Variants in TAF1 observed in about 807,000 individuals in gnomAD.
TAF1 encodes the protein TATA-box binding protein associated factor 1, also known as transcription initiation factor TFIID subunit 1.
In TAF1, 2 loss-of-function variants were observed where a neutral mutation model predicts 138.5. That is an observed-to-expected ratio of 0.01 (90% confidence interval 0.01 to 0.05). TAF1 has a LOEUF of 0.05. Among genes scored for constraint, TAF1 ranks in the 10% least tolerant of loss-of-function variants. TAF1 has a pLI of 1.00. For missense variants in TAF1, 709 were observed against 1,478.0 expected (o/e 0.48, Z 8.53); for synonymous variants, 437 against 503.2 (o/e 0.87, Z 1.76).
chrX:71,386,390 C>A (rs1188948225), intron 14 of TAF1, among the ~76,000 whole-genome samples: 1 of 111,677 alleles, frequency 9.0e-6, no homozygotes, highest in African/African-American at 3.3e-5. Flanking sequence ...TGTCCTCTGT[C>A]CTACTGTCTT....
chrX:71,395,584 G>A (rs2034802839), intron 22 of TAF1, among the ~76,000 whole-genome samples: 1 of 111,534 alleles, frequency 9.0e-6, no homozygotes, highest in Admixed American at 9.5e-5. Context: ...TGTTAAAGAG[G>A]CAGTTGAAAA....
At chrX:71,527,353 T>G (rs1602123061) in intron 13 of TAF1, among the ~76,000 whole-genome samples, 1 of 92,754 alleles carries the variant, frequency 1.1e-5, no homozygotes, top group Admixed American at 1.4e-4. Context: ...GCCACTGCAC[T>G]CCAACCTGGG....
At chrX:71,435,552 T>C (rs1023954441) in intron 32 of TAF1, among the ~76,000 whole-genome samples, 3 of 112,003 alleles carry the variant, frequency 2.7e-5, no homozygotes, top group Non-Finnish European at 3.8e-5. Context: ...CCAGGGACAA[T>C]TGTAGGGCTC....
intron 24 of TAF1, 117 bp downstream of exon 24, chrX:71,398,854 G>T: frequency 2.0e-6 from 2 of 1,014,701 alleles, no homozygotes; most frequent in Non-Finnish European, 2.6e-6. Context: ...GTGGAAAGCT[G>T]GTTTGAATTG....
intron 9 of TAF1, 63 bp downstream of exon 9, chrX:71,381,982 G>A: frequency 9.2e-7 from 1 of 1,083,740 alleles, no homozygotes; most frequent in East Asian, 3.2e-5. Flanking sequence ...ATGTCAACGG[G>A]CAGGAGGAAA....
At chrX:71,428,602 C>T (rs916810087) in intron 32 of TAF1, among the ~76,000 whole-genome samples, 1 of 111,747 alleles carries the variant, frequency 8.9e-6, no homozygotes, top group Non-Finnish European at 1.9e-5. Context: ...AGATTATAAT[C>T]CTAATCAGAG....
At chrX:71,497,985 G>A (rs964392653) in intron 13 of TAF1, among the ~76,000 whole-genome samples, 7 of 111,530 alleles carry the variant, frequency 6.3e-5, no homozygotes, top group Admixed American at 9.6e-5. Context: ...GTTGTAGGCA[G>A]AGCTGGGCCT....
chrX:71,445,454 A>G (rs2037649844), intron 32 of TAF1, among the ~76,000 whole-genome samples: 1 of 111,600 alleles, frequency 9.0e-6, no homozygotes, highest in African/African-American at 3.3e-5. Flanking sequence ...AGGTTGAAGT[A>G]CTTTTTTTGC....
At chrX:71,470,156 G>A (rs1602784092), downstream of TAF1, among the ~76,000 whole-genome samples, 1 of 111,390 alleles carries the variant, frequency 9.0e-6, no homozygotes, top group African/African-American at 3.3e-5. Flanking sequence ...TAGACTGTGG[G>A]ATTACAGGTT....
chrX:71,381,363 C>G (rs2033880239), intron 8 of TAF1, among the ~76,000 whole-genome samples: 3 of 112,049 alleles, frequency 2.7e-5, no homozygotes. Flanking sequence ...CTCCTGGGCT[C>G]AGGTGATTCT....
intron 3 of TAF1, among the ~76,000 whole-genome samples, chrX:71,371,750 A>G (rs1449928409): frequency 9.0e-6 from 1 of 111,504 alleles, no homozygotes; most frequent in African/African-American, 3.3e-5. Flanking sequence ...TTCCAACTCC[A>G]TATTTAGTGT....
chrX:71,438,146 A>T (rs2037238473), intron 32 of TAF1, among the ~76,000 whole-genome samples: 1 of 111,072 alleles, frequency 9.0e-6, no homozygotes, highest in South Asian at 3.8e-4. Flanking sequence ...CGTCATTTTA[A>T]CTATTTTTAA....
intron 32 of TAF1, among the ~76,000 whole-genome samples, chrX:71,443,995 A>T (rs1010890155): frequency 9.3e-6 from 1 of 107,654 alleles, no homozygotes; most frequent in Non-Finnish European, 1.9e-5. Flanking sequence ...ACAGGCCATG[A>T]CCCACCACGC....
intron 37 of TAF1, 84 bp downstream of exon 37, chrX:71,460,887 T>C (rs1375844401): frequency 7.9e-6 from 9 of 1,132,371 alleles, no homozygotes; most frequent in Non-Finnish European, 1.1e-5. Context: ...TTACTTTTCA[T>C]CCATCAAACA....
At chrX:71,527,910 C>A in intron 13 of TAF1, 1 of 140,338 alleles carries the variant, frequency 7.1e-6, no homozygotes, top group South Asian at 2.2e-4. Flanking sequence ...AAACAAATGT[C>A]ATGGGTGCTG....
In TAF1 at chrX:71,450,737, A is replaced by G. The variant is rs756989317; in HGVS notation, c.4754-3433A>G. Among the ~76,000 whole-genome samples the G allele has an allele frequency of 2.0e-4, 23 of 112,371 alleles. No homozygotes were observed. In the East Asian group the frequency reaches 5.5e-3, roughly 27 times the overall value. On this transcript the variant is annotated intron_variant, in intron 32 of 37. Coordinates refer to ENST00000423759, the MANE Select transcript of TAF1 (RefSeq NM_004606.5). Reference sequence around the variant, plus strand: ...TATGACCTATATCTCACTCATTTCTATCATCTCCAATGCCTGGCACACAAA... The same window carrying G: ...TATGACCTATATCTCACTCATTTCTGTCATCTCCAATGCCTGGCACACAAA...
At chrX:71,418,761 A>ATTTTT (rs1259701142) in intron 28 of TAF1, among the ~76,000 whole-genome samples, 18 of 70,648 alleles carry the variant, frequency 2.5e-4, no homozygotes, top group Non-Finnish European at 2.9e-4. Context: ...CAGTATGGAG[A>ATTTTT]TTTTTTTTTT....
chrX:71,375,790 TC>T (rs1297017010), intron 4 of TAF1, among the ~76,000 whole-genome samples: 2 of 112,300 alleles, frequency 1.8e-5, no homozygotes, highest in Non-Finnish European at 3.8e-5. Flanking sequence ...CCTCAAGTGA[TC>T]CGCTCGCCTT....
intron 13 of TAF1, among the ~76,000 whole-genome samples, chrX:71,516,641 T>TAAA (rs35879951): frequency 1.2e-5 from 1 of 83,627 alleles, no homozygotes; most frequent in Non-Finnish European, 2.4e-5. Context: ...GACCCCGTCT[T>TAAA]AAAAAAAAAA....
Sources: allele counts gnomAD v4.1 joint callset (sites outside exome capture counted in the v4.1 genomes callset), GRCh38; gene constraint gnomAD v4.1.1; transcripts MANE v1.5; gene names NCBI Gene and HGNC (gene_info 2026-07-23, HGNC 2026-07-21).